Variants in DLGAP1 observed in about 807,000 individuals in gnomAD.
The protein encoded by DLGAP1 is DLG associated protein 1.
DLGAP1 carries 11 observed loss-of-function variants against 90.8 expected under a neutral mutation model. The observed-to-expected ratio is 0.12, with a 90% CI of 0.08 to 0.20. The LOEUF (loss-of-function observed/expected upper bound fraction) is 0.20, where lower values mean the gene tolerates loss of function less well. DLGAP1 is among the 10% of genes least tolerant of loss of function. The pLI is 1.00. For synonymous variants in DLGAP1, 558 were observed against 540.7 expected (o/e 1.03, Z -0.44); for missense variants, 1,050 against 1,333.8 (o/e 0.79, Z 3.31).
chr18:4,417,316 C>CA (rs942465007), intron 1 of DLGAP1, among the ~76,000 whole-genome samples: 11 of 151,904 alleles, frequency 7.2e-5, no homozygotes, highest in Admixed American at 7.2e-4. Flanking sequence ...ATTTAATTTT[C>CA]AAAAAATGTT....
chr18:4,252,060 A>G (rs1023840298), intron 1 of DLGAP1, among the ~76,000 whole-genome samples: 2 of 152,218 alleles, frequency 1.3e-5, no homozygotes, highest in African/African-American at 2.4e-5. Flanking sequence ...ACCTGCCACC[A>G]AAAAGAGTGT....
intron 1 of DLGAP1, among the ~76,000 whole-genome samples, chr18:4,244,083 C>T (rs2078603370): frequency 6.6e-6 from 1 of 151,944 alleles, no homozygotes; most frequent in South Asian, 2.1e-4. Context: ...CTCATATATC[C>T]CACATAATCA....
chr18:3,611,424 C>T (rs2057621282), intron 7 of DLGAP1, among the ~76,000 whole-genome samples: 1 of 152,180 alleles, frequency 6.6e-6, no homozygotes, highest in South Asian at 2.1e-4. Flanking sequence ...CCGGCTCTAC[C>T]ACTGCACTCG....
intron 3 of DLGAP1, among the ~76,000 whole-genome samples, chr18:3,897,984 C>T (rs565359892): frequency 4.4e-4 from 66 of 151,678 alleles, no homozygotes; most frequent in Middle Eastern, 3.4e-3. Flanking sequence ...TTAGTAGAGA[C>T]GGGGTTTCAC....
At chr18:3,695,595 G>A (rs2061064937) in intron 7 of DLGAP1, among the ~76,000 whole-genome samples, 1 of 152,160 alleles carries the variant, frequency 6.6e-6, no homozygotes, top group Non-Finnish European at 1.5e-5. Context: ...ATGCTGTTTT[G>A]GTTACTGTAG....
chr18:4,421,499 A>G (rs950244312), intron 1 of DLGAP1, among the ~76,000 whole-genome samples: 1 of 152,094 alleles, frequency 6.6e-6, no homozygotes, highest in African/African-American at 2.4e-5. Flanking sequence ...GGACATGAAC[A>G]TGTCTTTTAG....
intron 7 of DLGAP1, among the ~76,000 whole-genome samples, chr18:3,724,972 C>T (rs901162870): frequency 2.6e-5 from 4 of 151,502 alleles, no homozygotes; most frequent in African/African-American, 9.7e-5. Context: ...AGCTTGCCTA[C>T]TTCTGTCAAG....
chr18:3,844,780 T>C (rs989707242), intron 4 of DLGAP1, among the ~76,000 whole-genome samples: 1 of 152,180 alleles, frequency 6.6e-6, no homozygotes, highest in African/African-American at 2.4e-5. Context: ...TACTTAGAAA[T>C]GAAATGATTC....
At chr18:3,605,825 A>AT (rs11301972) in intron 7 of DLGAP1, among the ~76,000 whole-genome samples, 2 of 151,762 alleles carry the variant, frequency 1.3e-5, no homozygotes, top group African/African-American at 4.8e-5. Context: ...GCGGCAGGAG[A>AT]TTTTTTTTGC....
In DLGAP1 at chr18:4,383,565, A is replaced by G. The variant is rs1180322974; in HGVS notation, c.-267+71441T>C. Reference sequence around the variant, plus strand: ...GAACAAGCTCTGTATGCACTTAGACAAAACCGAGTATCCTTGCTCATTAAA... The same window carrying G: ...GAACAAGCTCTGTATGCACTTAGACGAAACCGAGTATCCTTGCTCATTAAA... On this transcript the variant is annotated intron_variant, in intron 1 of 12. Coordinates refer to ENST00000315677, the MANE Select transcript of DLGAP1 (RefSeq NM_004746.4). The surrounding 1 kb of genome is among the most constrained non-coding windows in gnomAD (Gnocchi z 4.0). 2.0e-5 allele frequency among the ~76,000 whole-genome samples: 3 copies of G among 152,090 alleles called. No homozygotes were observed. Among genetic ancestry groups the G allele is most frequent in the Non-Finnish European group, 4.4e-5 (3 of 67,998 alleles).
In DLGAP1 at chr18:3,934,047, G is replaced by A. The variant is rs539244999; in HGVS notation, c.-72-53907C>T. Among the ~76,000 whole-genome samples the A allele has an allele frequency of 9.9e-5, 15 of 152,262 alleles. No homozygotes were observed. In the South Asian group the frequency reaches 3.1e-3, roughly 32 times the overall value. Reference sequence around the variant, plus strand: ...TCAGTAGGCAGCAGCCATGCAAGGAGGGCAGTCTCTCTGGGTAAATCTTCT... The same window carrying A: ...TCAGTAGGCAGCAGCCATGCAAGGAAGGCAGTCTCTCTGGGTAAATCTTCT... On this transcript the variant is annotated intron_variant, in intron 3 of 12. Coordinates refer to ENST00000315677, the MANE Select transcript of DLGAP1 (RefSeq NM_004746.4).
intron 2 of DLGAP1, among the ~76,000 whole-genome samples, chr18:4,104,859 A>G (rs2075833931): frequency 6.6e-6 from 1 of 152,170 alleles, no homozygotes; most frequent in Non-Finnish European, 1.5e-5. Flanking sequence ...AGTTCTGTCA[A>G]TTATTTAAAA....
chr18:3,715,113 T>A (rs1402008561), intron 7 of DLGAP1, among the ~76,000 whole-genome samples: 2 of 152,214 alleles, frequency 1.3e-5, no homozygotes, highest in East Asian at 3.8e-4. Context: ...AACTGCTTAT[T>A]TCTAGGTTCT....
chr18:4,181,649 C>T (rs2077209624), intron 1 of DLGAP1, among the ~76,000 whole-genome samples: 1 of 152,064 alleles, frequency 6.6e-6, no homozygotes, highest in African/African-American at 2.4e-5. Context: ...GACAATCAAC[C>T]TTTAATTTCT....
chr18:3,986,211 T>C (rs895438011), intron 3 of DLGAP1: 1 of 152,162 alleles, frequency 6.6e-6, no homozygotes, highest in African/African-American at 2.4e-5. Flanking sequence ...ATAGTCTGCG[T>C]CAAGACTGCT....
At chr18:3,568,342 A>G (rs982249677) in intron 8 of DLGAP1, among the ~76,000 whole-genome samples, 3 of 152,204 alleles carry the variant, frequency 2.0e-5, no homozygotes, top group Non-Finnish European at 4.4e-5. Context: ...CTCCCCTTAA[A>G]TAAAGAATTG....
intron 9 of DLGAP1, among the ~76,000 whole-genome samples, chr18:3,540,105 A>G (rs1409334563): frequency 6.6e-6 from 1 of 152,166 alleles, no homozygotes; most frequent in Non-Finnish European, 1.5e-5. Flanking sequence ...GTAAAAACCA[A>G]GATGTCTCAT....
chr18:3,683,497 A>T (rs538778700), intron 7 of DLGAP1, among the ~76,000 whole-genome samples: 121 of 152,238 alleles, frequency 7.9e-4, no homozygotes, highest in African/African-American at 2.2e-3. Context: ...CTTTTTTTTT[A>T]AAATCTCTAT....
chr18:3,640,269 C>A (rs1279185053), intron 7 of DLGAP1, among the ~76,000 whole-genome samples: 3 of 152,182 alleles, frequency 2.0e-5, no homozygotes, highest in East Asian at 1.9e-4. Flanking sequence ...GTCCTGTTCT[C>A]TTCTCACTCC....
Sources: allele counts gnomAD v4.1 joint callset (sites outside exome capture counted in the v4.1 genomes callset), GRCh38; gene constraint gnomAD v4.1.1; non-coding constraint Gnocchi (gnomAD v3.1); transcripts MANE v1.5; gene names NCBI Gene and HGNC (gene_info 2026-07-23, HGNC 2026-07-21).